The following HPGDS variants were observed in gnomAD, a reference collection of about 807,000 sequenced individuals.
The protein encoded by HPGDS is hematopoietic prostaglandin D synthase, also known as GST class-sigma.
A neutral mutation model predicts 23.1 loss-of-function variants in HPGDS; 26 were observed. The ratio of observed to expected loss-of-function variants is 1.13; its 90% CI spans 0.83 to 1.56. HPGDS has a LOEUF of 1.56. Among genes scored for constraint, HPGDS ranks in the 40% most tolerant of loss-of-function variants. The pLI is 0.00. For missense variants in HPGDS, 268 were observed against 236.4 expected (o/e 1.13, Z -0.88); for synonymous variants, 95 against 77.9 (o/e 1.22, Z -1.16).
At chr4:94,336,810 A>G in intron 1 of HPGDS, among the ~76,000 whole-genome samples, 1 of 152,168 alleles carries the variant, frequency 6.6e-6, no homozygotes, top group East Asian at 1.9e-4. Flanking sequence ...AAACATAATA[A>G]TTAAGAGATT....
intron 4 of HPGDS, among the ~76,000 whole-genome samples, chr4:94,303,049 A>G (rs1756074749): frequency 6.6e-6 from 1 of 152,150 alleles, no homozygotes; most frequent in South Asian, 2.1e-4. Flanking sequence ...TAAAATGTAT[A>G]TATCATTTAT....
At chr4:94,308,348 G>T (rs932185626) in intron 4 of HPGDS, among the ~76,000 whole-genome samples, 7 of 152,064 alleles carry the variant, frequency 4.6e-5, no homozygotes, top group African/African-American at 9.6e-5. Context: ...TTTACAATTG[G>T]TCAATCAGAG....
chr4:94,313,484 G>T (rs1375473659), intron 3 of HPGDS, among the ~76,000 whole-genome samples: 1 of 149,932 alleles, frequency 6.7e-6, no homozygotes, highest in Admixed American at 6.6e-5. Flanking sequence ...CTTCTGGCTT[G>T]TAGAGTTTCT....
intron 2 of HPGDS, among the ~76,000 whole-genome samples, chr4:94,321,225 A>G (rs1402053440): frequency 6.6e-6 from 1 of 152,230 alleles, no homozygotes; most frequent in Non-Finnish European, 1.5e-5. Flanking sequence ...CTTTTTGCTT[A>G]GGATTGACTT....
rs1285383835 is a variant in HPGDS, at chr4:94,340,736, G to A, written c.-10+2059C>T. ...TGCAATGGCGTGATCTCGTCTCACC[G>A]CAGCCTCTGCCTCCCGGGTTCAAGC... On this transcript the variant is annotated intron_variant, in intron 1 of 5. Coordinates refer to ENST00000295256, the MANE Select transcript of HPGDS (RefSeq NM_014485.3). Among the ~76,000 whole-genome samples the A allele has an allele frequency of 2.9e-5, 4 of 136,092 alleles. No homozygotes were observed. The Admixed American group carries it at 3.2e-4, about 11-fold the overall frequency. 89.3% of individuals were successfully genotyped at this position (136,092 alleles called of 152,430 possible).
chr4:94,299,674 G>T lies in HPGDS; in HGVS notation c.436-30C>A, dbSNP rs1301767081. The T allele has an allele frequency of 2.5e-6, 4 of 1,594,892 alleles. No homozygotes were observed. The African/African-American group carries it at 4.0e-5, about 16-fold the overall frequency. On this transcript the variant is annotated intron_variant, in intron 5 of 5. Coordinates refer to ENST00000295256, the MANE Select transcript of HPGDS (RefSeq NM_014485.3). ...TTTAAAGGAAACAAACTTTTCATTT[G>T]AACATAGAAAGTGTAGCTGTATCAG...
At chr4:94,332,109 C>T (rs78368457) in intron 2 of HPGDS, among the ~76,000 whole-genome samples, 4,375 of 152,088 alleles carry the variant, frequency 0.029, 203 homozygotes, top group African/African-American at 0.099. Context: ...GAAAAGCGGC[C>T]CAGCTGGAGA....
rs985640058 is a variant in HPGDS, at chr4:94,298,767, C to A, written c.*713G>T. On this transcript the variant is annotated 3_prime_UTR_variant, in exon 6 of 6. Transcript: ENST00000295256. ...GTTTCTCTGGCTGCATATCTAGAGC[C>A]TTTTGAGCCGTGTCAGATTCCCACA... 10 of 152,122 alleles carry A rather than the reference C, an allele frequency of 6.6e-5. No individual in the cohort carries two copies. The highest frequency in any genetic ancestry group is 2.4e-4 in the African/African-American group (10 of 41,418). The allele number at this position is 152,122 out of a possible 1,614,324, so 9.4% of individuals were successfully genotyped here.
At chr4:94,303,303 G>A (rs2129595) in intron 4 of HPGDS, among the ~76,000 whole-genome samples, 57,547 of 151,854 alleles carry the variant, frequency 0.38, 11,907 homozygotes, top group East Asian at 0.71. Flanking sequence ...TTGAGCATGC[G>A]CATGATGCCC....
At chr4:94,314,618 C>T (rs1756355837) in intron 3 of HPGDS, among the ~76,000 whole-genome samples, 1 of 152,174 alleles carries the variant, frequency 6.6e-6, no homozygotes, top group African/African-American at 2.4e-5. Flanking sequence ...TCTGTCCATT[C>T]TCAGATCTCA....
rs1294968003 is a variant in HPGDS at position 94,313,038 on chromosome 4, C to T, written c.227-4295G>A. On this transcript the variant is annotated intron_variant, in intron 3 of 5. Coordinates refer to ENST00000295256, the MANE Select transcript of HPGDS (RefSeq NM_014485.3). ...TTTTGAGCCTATGTGTGTCTCTGCA[C>T]GTGAGATGGGTTTCCTGAATACAGC... Among the ~76,000 whole-genome samples, 26 of 152,082 alleles carry T rather than the reference C, an allele frequency of 1.7e-4. No individual in the cohort carries two copies. The East Asian group carries it at 2.9e-3, about 17-fold the overall frequency.
rs921400771 is a variant in HPGDS at position 94,330,079 on chromosome 4, A to G, written c.133+4418T>C. Among the ~76,000 whole-genome samples, 122 of 152,244 alleles carry G rather than the reference A, an allele frequency of 8.0e-4. 1 individual carries two copies. The highest frequency in any genetic ancestry group is 5.9e-4 in the Admixed American group (9 of 15,288). On this transcript the variant is annotated intron_variant, in intron 2 of 5. Coordinates refer to ENST00000295256, the MANE Select transcript of HPGDS (RefSeq NM_014485.3). ...CCTTAAATGGCAGATGTACAGTAAC[A>G]GGAACTTGTTTGGAGGATACCTACG...
At chr4:94,312,648 A>T (rs893832157) in intron 3 of HPGDS, among the ~76,000 whole-genome samples, 5 of 152,154 alleles carry the variant, frequency 3.3e-5, no homozygotes, top group Admixed American at 6.6e-5. Context: ...GTAGATGTCT[A>T]TTAGGTCCAC....
At chr4:94,341,786 G>A (rs138794138) in intron 1 of HPGDS, among the ~76,000 whole-genome samples, 1 of 152,324 alleles carries the variant, frequency 6.6e-6, no homozygotes, top group East Asian at 1.9e-4. Flanking sequence ...TATACAAAAT[G>A]TAATGGCCTA....
At chr4:94,337,806 T>C (rs558109579) in intron 1 of HPGDS, among the ~76,000 whole-genome samples, 34 of 152,364 alleles carry the variant, frequency 2.2e-4, no homozygotes, top group Admixed American at 5.9e-4. Flanking sequence ...TTTTTTATTA[T>C]TGTTAATTTT....
At position 94,340,311 on chromosome 4, in the gene HPGDS, C is replaced by CTTTCTTTTTCTT; in HGVS notation, c.-10+2483_-10+2484insAAGAAAAAGAAA. Among the ~76,000 whole-genome samples, 12 of 23,686 alleles carry CTTTCTTTTTCTT rather than the reference C, an allele frequency of 5.1e-4. 2 individuals carry two copies. Among genetic ancestry groups the CTTTCTTTTTCTT allele is most frequent in the African/African-American group, 1.6e-3 (11 of 6,862 alleles). The allele number at this position is 23,686 out of a possible 152,430, so 15.5% of individuals were successfully genotyped here. A position where few individuals can be genotyped will look rare whatever the true frequency, so the allele number is the denominator to read the frequency against. On this transcript the variant is annotated intron_variant, in intron 1 of 5. Transcript: ENST00000295256. The stretch of plus-strand genomic sequence containing the variant: ...TTTCTTTCTTTCTTTCTTTCTTTCT[C>CTTTCTTTTTCTT]TTTTTTTTTTTTTTTTTTTTTTTTT...
chr4:94,324,862 T>A (rs1756597291), intron 2 of HPGDS, among the ~76,000 whole-genome samples: 1 of 152,228 alleles, frequency 6.6e-6, no homozygotes, highest in Non-Finnish European at 1.5e-5. Context: ...AATTTTCAGC[T>A]TTTCTGCTCT....
At chr4:94,311,780 G>T (rs1420299975) in intron 3 of HPGDS, among the ~76,000 whole-genome samples, 1 of 151,100 alleles carries the variant, frequency 6.6e-6, no homozygotes, top group Non-Finnish European at 1.5e-5. Flanking sequence ...GACTTTTTTT[G>T]GTTGGTAAGC....
chr4:94,336,334 C>T (rs760177343), intron 1 of HPGDS, among the ~76,000 whole-genome samples: 1 of 152,056 alleles, frequency 6.6e-6, no homozygotes, highest in African/African-American at 2.4e-5. Context: ...AAGAGGATGA[C>T]CTGGAAATAA....
Sources: allele counts gnomAD v4.1 joint callset (sites outside exome capture counted in the v4.1 genomes callset), GRCh38; gene constraint gnomAD v4.1.1; transcripts MANE v1.5; gene names NCBI Gene and HGNC (gene_info 2026-07-23, HGNC 2026-07-21).